Variants in ST6GALNAC4 observed in about 807,000 individuals in gnomAD.
The protein encoded by ST6GALNAC4 is ST6 N-acetylgalactosaminide alpha-2,6-sialyltransferase 4, also known as alpha-N-acetyl-neuraminyl-2,3-beta-galactosyl-1,3-N-acetyl-galactosaminide alpha-2,6-sialyltransferase.
Under a neutral mutation model 30.4 loss-of-function variants are expected in ST6GALNAC4, and 24 were observed. That is an observed-to-expected ratio of 0.79 (90% CI 0.57 to 1.11). ST6GALNAC4 has a LOEUF of 1.11. Ranked by LOEUF, ST6GALNAC4 falls within the 50% of genes most tolerant of loss-of-function variation. The pLI, the probability that ST6GALNAC4 is intolerant of heterozygous loss-of-function variation, is 0.00. For missense variants in ST6GALNAC4, 365 were observed against 430.1 expected (o/e 0.85, Z 1.34); for synonymous variants, 156 against 179.7 (o/e 0.87, Z 1.05).
At chr9:127,909,928 G>A (rs748309291) in intron 5 of ST6GALNAC4, 23 bp downstream of exon 5, 22 of 1,610,438 alleles carry the variant, frequency 1.4e-5, no homozygotes, top group South Asian at 7.7e-5. Flanking sequence ...GCGTCCCCGC[G>A]TGCCCGGCCT....
Position 127,908,018 on chromosome 9 carries a change from A to C in ST6GALNAC4, c.*374T>G. On this transcript the variant is annotated 3_prime_UTR_variant, in exon 6 of 6. Coordinates refer to ENST00000335791, the MANE Select transcript of ST6GALNAC4 (RefSeq NM_175039.4). Reference sequence around the variant, plus strand: ...CGGCCAGCCTGAGAAGTGTGGCACCAAAAGGTGGTAGGAGCGGCTGGGGAG... The same window carrying C: ...CGGCCAGCCTGAGAAGTGTGGCACCCAAAGGTGGTAGGAGCGGCTGGGGAG... 1 of 156,830 alleles carries C rather than the reference A, an allele frequency of 6.4e-6. No homozygotes were observed. The allele number at this position is 156,830 out of a possible 1,614,324, so 9.7% of individuals were successfully genotyped here.
Position 127,916,976 on chromosome 9 carries a change from G to A in ST6GALNAC4, c.-226C>T, listed in dbSNP as rs1476894758. 1 of 156,430 alleles carries A rather than the reference G, an allele frequency of 6.4e-6. No homozygotes were observed. The highest frequency in any genetic ancestry group is 6.2e-5 in the Admixed American group (1 of 16,152). The allele number at this position is 156,430 out of a possible 1,614,324, so 9.7% of individuals were successfully genotyped here. A position where few individuals can be genotyped will look rare whatever the true frequency, so the allele number is the denominator to read the frequency against. ...CAGGAGGCTCGCGATCCGCCGCTCGGAGCTCCATGGCCCCCGGGCCGGGCC... is the reference window on the plus strand; with the variant it reads ...CAGGAGGCTCGCGATCCGCCGCTCGAAGCTCCATGGCCCCCGGGCCGGGCC... On this transcript the variant is annotated 5_prime_UTR_variant, in exon 1 of 6. Transcript: ENST00000335791.
intron 3 of ST6GALNAC4, 35 bp from the exon 4 acceptor site, chr9:127,912,715 C>T (rs1831109396): frequency 1.3e-6 from 2 of 1,514,276 alleles, no homozygotes; most frequent in South Asian, 1.3e-5. Flanking sequence ...GACAGAGAGG[C>T]ATGAACACGC....
chr9:127,912,160 G>T (rs866514321), intron 4 of ST6GALNAC4, 108 bp downstream of exon 4: 4 of 1,410,232 alleles, frequency 2.8e-6, no homozygotes, highest in African/African-American at 2.9e-5. Flanking sequence ...GCCTCCATGA[G>T]TGCTGACCTC....
At chr9:127,911,396 G>A (rs1024312688) in intron 4 of ST6GALNAC4, among the ~76,000 whole-genome samples, 4 of 152,204 alleles carry the variant, frequency 2.6e-5, no homozygotes, top group Non-Finnish European at 4.4e-5. Context: ...AGAGTCATGA[G>A]TGTGCTTTTG....
At chr9:127,908,724 G>A (rs948077283) in intron 5 of ST6GALNAC4, 143 bp from the exon 6 acceptor site, 7 of 630,862 alleles carry the variant, frequency 1.1e-5, no homozygotes, top group Middle Eastern at 4.6e-4. Context: ...AAGACACATA[G>A]GGGAGTAGCA....
chr9:127,912,650 C>CGG lies in ST6GALNAC4; in HGVS notation c.228_229insCC (p.Ala77ProfsTer28), dbSNP rs1442151622. The CGG allele has an allele frequency of 1.3e-6, 2 of 1,588,508 alleles. No homozygotes were observed. Among genetic ancestry groups the CGG allele is most frequent in the Non-Finnish European group, 1.7e-6 (2 of 1,169,214 alleles). ...ATTTGGCCGGAGCTGGACACCACGG[C>CGG]ACAGCTGCGGCAGGGCTCGCGGACC... On this transcript the variant is annotated frameshift_variant, in exon 4 of 6. Transcript: ENST00000335791. LOFTEE classifies it high-confidence loss of function.
At chr9:127,916,769 C>A in intron 1 of ST6GALNAC4, 57 bp downstream of exon 1, 1 of 453,002 alleles carries the variant, frequency 2.2e-6, no homozygotes, top group Non-Finnish European at 4.0e-6. Flanking sequence ...CAAGGTCACC[C>A]ATCAGGTCTG....
At chr9:127,909,866 A>G in intron 5 of ST6GALNAC4, 85 bp downstream of exon 5, 9 of 1,346,394 alleles carry the variant, frequency 6.7e-6, no homozygotes, top group Non-Finnish European at 9.3e-6. Context: ...CTCTGCCCCC[A>G]CAGCTCCCAA....
Position 127,908,472 on chromosome 9 carries a change from T to C in ST6GALNAC4, c.829A>G (p.Ile277Val). ...EQAPRSAHRF[I>V]TEKAVFSRWA... ...CGGGAGAAGACCGCCTTCTCAGTGA[T>C]GAAGCGGTGGGCGCTTCGGGGCGCC... is the stretch of plus-strand genomic sequence containing the variant. Residue 277 changes from isoleucine (I) to valine (V), a missense_variant, in exon 6 of 6, where the codon ATC becomes GTC. Physicochemically the swap from Ile to Val is conservative, Grantham distance 29 (BLOSUM62 3). Coordinates refer to ENST00000335791, the MANE Select transcript of ST6GALNAC4 (RefSeq NM_175039.4). 1 of 1,610,070 alleles carries C rather than the reference T, an allele frequency of 6.2e-7. No homozygotes were observed. Among genetic ancestry groups the C allele is most frequent in the Non-Finnish European group, 8.5e-7 (1 of 1,177,012 alleles).
intron 3 of ST6GALNAC4, among the ~76,000 whole-genome samples, chr9:127,913,974 G>C (rs1022306402): frequency 6.6e-6 from 1 of 152,290 alleles, no homozygotes; most frequent in South Asian, 2.1e-4. Context: ...ACCGGTGGCG[G>C]GAGGCTGAAG....
chr9:127,910,065 G>C lies in ST6GALNAC4; in HGVS notation c.612-7C>G. The C allele has an allele frequency of 6.2e-7, 1 of 1,612,854 alleles. No homozygotes were observed. The highest frequency in any genetic ancestry group is 8.5e-7 in the Non-Finnish European group (1 of 1,179,706). ...GAAGGAGCCCGACTGCCTCCTGGGG[G>C]TGGCGGGGGGACAGGGGGACGCTGT... is the stretch of plus-strand genomic sequence containing the variant. On this transcript the variant is annotated splice_polypyrimidine_tract_variant and splice_region_variant and intron_variant, in intron 4 of 5. Coordinates refer to ENST00000335791, the MANE Select transcript of ST6GALNAC4 (RefSeq NM_175039.4).
chr9:127,912,397 A>G lies in ST6GALNAC4; in HGVS notation c.482T>C (p.Leu161Pro). ...WGQGRHMDRV[L>P]GGRTYRTLLQ... is the part of the protein sequence containing the mutation. ...CAGCGTGCGGTAGGTGCGGCCGCCGAGCACCCGGTCCATGTGCCTGCCCTG... is the reference window on the plus strand; with the variant it reads ...CAGCGTGCGGTAGGTGCGGCCGCCGGGCACCCGGTCCATGTGCCTGCCCTG... The change falls in exon 4 of 6, where the codon CTC (leucine) becomes CCC (proline). Residue 161 changes from leucine to proline, a missense_variant. Leu to Pro is a moderately conservative substitution (Grantham distance 98, BLOSUM62 -3). Coordinates refer to ENST00000335791, the MANE Select transcript of ST6GALNAC4 (RefSeq NM_175039.4). 1 of 1,614,078 alleles carries G rather than the reference A, an allele frequency of 6.2e-7. No homozygotes were observed. Among genetic ancestry groups the G allele is most frequent in the Non-Finnish European group, 8.5e-7 (1 of 1,180,000 alleles).
intron 4 of ST6GALNAC4, 55 bp downstream of exon 4, chr9:127,912,213 G>A: frequency 6.4e-7 from 1 of 1,556,750 alleles, no homozygotes; most frequent in Non-Finnish European, 8.7e-7. Flanking sequence ...GAGACTCCCA[G>A]AGAAGGAAGG....
At position 127,908,290 on chromosome 9, in the gene ST6GALNAC4, A is replaced by C. The variant is rs1588672188; in HGVS notation, c.*102T>G. 1.7e-6 allele frequency: 2 copies of C among 1,195,488 alleles called. No individual in the cohort carries two copies. The highest frequency in any genetic ancestry group is 5.3e-5 in the East Asian group (2 of 37,604). 74.1% of individuals were successfully genotyped at this position (1,195,488 alleles called of 1,614,324 possible). A position where few individuals can be genotyped will look rare whatever the true frequency, so the allele number is the denominator to read the frequency against. On this transcript the variant is annotated 3_prime_UTR_variant, in exon 6 of 6. Coordinates refer to ENST00000335791, the MANE Select transcript of ST6GALNAC4 (RefSeq NM_175039.4). ...TTAGGTCCACCCAGCACGTGGCAGGAGGCAGGATCCATAAATTAAATGTTT... is the reference window on the plus strand; with the variant it reads ...TTAGGTCCACCCAGCACGTGGCAGGCGGCAGGATCCATAAATTAAATGTTT...
intron 3 of ST6GALNAC4, among the ~76,000 whole-genome samples, 170 bp from the exon 4 acceptor site, chr9:127,912,850 C>G (rs965885142): frequency 6.6e-6 from 1 of 152,208 alleles, no homozygotes; most frequent in African/African-American, 2.4e-5. Context: ...CCCGAGATCA[C>G]AGTGATACCC....
At position 127,909,940 on chromosome 9, in the gene ST6GALNAC4, G is replaced by C; in HGVS notation, c.719+11C>G. Reference sequence around the variant, plus strand: ...CCCGCGTCCCCGCGTGCCCGGCCTGGCCGGTCTGACCTGCAGTAGCTGTCG... The same window carrying C: ...CCCGCGTCCCCGCGTGCCCGGCCTGCCCGGTCTGACCTGCAGTAGCTGTCG... On this transcript the variant is annotated intron_variant, in intron 5 of 5. Transcript: ENST00000335791. 1 of 1,612,700 alleles carries C rather than the reference G, an allele frequency of 6.2e-7. No individual in the cohort carries two copies. Among genetic ancestry groups the C allele is most frequent in the Non-Finnish European group, 8.5e-7 (1 of 1,179,426 alleles).
rs373587548 is a variant in ST6GALNAC4 at position 127,908,450 on chromosome 9, G to A, written c.851C>T (p.Ser284Phe). The change falls in exon 6 of 6, where the codon TCC becomes TTC. Residue 284 changes from serine (S) to phenylalanine (F), a missense_variant. Ser to Phe is a radical substitution (Grantham distance 155). Transcript: ENST00000335791. ...GATGGGCCTCTTCTTGGCCCAGCGG[G>A]AGAAGACCGCCTTCTCAGTGATGAA... ...HRFITEKAVF[S>F]RWAKKRPIVF... 2 of 1,603,984 alleles carry A rather than the reference G, an allele frequency of 1.2e-6. No homozygotes were observed. The highest frequency in any genetic ancestry group is 2.2e-5 in the East Asian group (1 of 44,508).
intron 4 of ST6GALNAC4, 142 bp downstream of exon 4, chr9:127,912,126 C>T: frequency 1.9e-6 from 2 of 1,042,078 alleles, no homozygotes; most frequent in Non-Finnish European, 2.7e-6. Context: ...CTCCTGCCCC[C>T]CATTAGAGGG....
Sources: gnomAD v4.1 joint callset for allele counts (sites outside exome capture counted in the v4.1 genomes callset) on GRCh38, gnomAD v4.1.1 for gene constraint, MANE v1.5 for transcripts, NCBI Gene and HGNC (gene_info 2026-07-23, HGNC 2026-07-21) for gene names.